The following NCKAP5 variants were observed in gnomAD, a reference collection of about 807,000 sequenced individuals.
NCKAP5 encodes NCK associated protein 5.
NCKAP5 carries 92 observed loss-of-function variants against 167.0 expected under a neutral mutation model. The observed-to-expected ratio is 0.55, with a 90% confidence interval of 0.47 to 0.66. The LOEUF (loss-of-function observed/expected upper bound fraction) is 0.66. NCKAP5 is among the 30% of genes least tolerant of loss of function. The probability of loss-of-function intolerance (pLI) is 0.00; values close to 1 mark genes in which losing one functional copy is unlikely to be tolerated. For missense variants in NCKAP5, 2,378 were observed against 2,315.0 expected, an observed-to-expected ratio of 1.03 and a Z score of -0.56; for synonymous variants, 891 against 877.4, an observed-to-expected ratio of 1.02 and a Z score of -0.27.
chr2:133,185,760 T>A (rs892922911), intron 5 of NCKAP5, among the ~76,000 whole-genome samples: 2 of 152,088 alleles, frequency 1.3e-5, no homozygotes, highest in Non-Finnish European at 2.9e-5. Flanking sequence ...GGTTCTCAGC[T>A]AGAATATTAT....
intron 4 of NCKAP5, among the ~76,000 whole-genome samples, chr2:133,214,072 G>A (rs1410142867): frequency 6.6e-6 from 1 of 152,104 alleles, no homozygotes; most frequent in Non-Finnish European, 1.5e-5. Context: ...AATTTTTCAT[G>A]GCTATAGTAT....
intron 4 of NCKAP5, among the ~76,000 whole-genome samples, chr2:133,291,640 G>T (rs950089284): frequency 5.3e-5 from 8 of 152,178 alleles, no homozygotes; most frequent in Admixed American, 6.5e-5. Flanking sequence ...CTGAGTGTTC[G>T]AGAGAAGGCA....
intron 8 of NCKAP5, among the ~76,000 whole-genome samples, chr2:132,903,715 G>A (rs955254183): frequency 2.0e-5 from 3 of 152,172 alleles, no homozygotes; most frequent in Admixed American, 6.5e-5. Context: ...AGGGTTTTGA[G>A]AGTAAGAAAC....
In NCKAP5 at chr2:133,036,508, G is replaced by T. The variant is rs559544232; in HGVS notation, c.342-42269C>A. Among the ~76,000 whole-genome samples the T allele has an allele frequency of 5.1e-4, 78 of 152,076 alleles. 2 individuals are homozygous for T. The South Asian group carries it at 0.016, about 31-fold the overall frequency. On this transcript the variant is annotated intron_variant, in intron 6 of 19. Coordinates refer to ENST00000409261, the MANE Select transcript of NCKAP5 (RefSeq NM_207363.3). ...TTTTTATCCCTGGGATGCAAGGATGGTTCAACATATGCAAATCAATTATGT... is the reference window on the plus strand; with the variant it reads ...TTTTTATCCCTGGGATGCAAGGATGTTTCAACATATGCAAATCAATTATGT...
chr2:133,002,781 CTTAG>C (rs2077830763), intron 6 of NCKAP5, among the ~76,000 whole-genome samples: 1 of 152,152 alleles, frequency 6.6e-6, no homozygotes, highest in Non-Finnish European at 1.5e-5. Flanking sequence ...CTATGCAAAG[CTTAG>C]TTATTGGGTA....
At chr2:133,074,699 A>T (rs1373288540) in intron 6 of NCKAP5, among the ~76,000 whole-genome samples, 3 of 152,186 alleles carry the variant, frequency 2.0e-5, no homozygotes, top group Admixed American at 6.5e-5. Context: ...ACAATCAATA[A>T]AATCTGAACA....
At chr2:133,636,459 G>T in the NCKAP5 span, among the ~76,000 whole-genome samples, 1 of 152,138 alleles carries the variant, frequency 6.6e-6, no homozygotes, top group South Asian at 2.1e-4. Context: ...AAGAAGAGGC[G>T]GTTGGATTTA....
chr2:133,132,981 C>A (rs1245764316), intron 5 of NCKAP5, among the ~76,000 whole-genome samples: 1 of 152,042 alleles, frequency 6.6e-6, no homozygotes, highest in Non-Finnish European at 1.5e-5. Flanking sequence ...CAGCCTGTAC[C>A]CAAATTTAAA....
At chr2:133,140,342 G>A (rs2082949729) in intron 5 of NCKAP5, among the ~76,000 whole-genome samples, 1 of 152,126 alleles carries the variant, frequency 6.6e-6, no homozygotes, top group African/African-American at 2.4e-5. Context: ...CTTTCAGAAT[G>A]GCTACAGATC....
Position 133,160,827 on chromosome 2 carries a change from T to C in NCKAP5, c.208-30716A>G, listed in dbSNP as rs184065460. Among the ~76,000 whole-genome samples the C allele has an allele frequency of 1.4e-4, 22 of 152,274 alleles. 1 individual carries two copies. In the East Asian group the frequency reaches 3.5e-3, roughly 24 times the overall value. The stretch of plus-strand genomic sequence containing the variant: ...TTTAGAAGAAATCTAGATGATAATC[T>C]ATTTCTAGGGAGAGTCTTCTACTTT... On this transcript the variant is annotated intron_variant, in intron 5 of 19. Transcript: ENST00000409261.
chr2:133,429,416 T>C (rs1256910483), intron 3 of NCKAP5, among the ~76,000 whole-genome samples: 4 of 152,032 alleles, frequency 2.6e-5, no homozygotes, highest in African/African-American at 4.8e-5. Context: ...ATAGTGAATA[T>C]AGTAACCAAT....
At position 133,564,134 on chromosome 2, in the gene NCKAP5, C is replaced by CA. The variant is rs766258899; in HGVS notation, c.-130+4081dup. On this transcript the variant is annotated intron_variant, in intron 1 of 19. Coordinates refer to ENST00000409261, the MANE Select transcript of NCKAP5 (RefSeq NM_207363.3). ...AGGCAACAAGAGTGAAACTCCATTT[C>CA]AAAAAAAAAAAAAGTACGTGCTGTG... 7.0e-3 allele frequency among the ~76,000 whole-genome samples: 989 copies of CA among 142,292 alleles called. 7 individuals carry two copies. Among genetic ancestry groups the CA allele is most frequent in the African/African-American group, 0.016 (607 of 39,032 alleles). 93.3% of individuals were successfully genotyped at this position (142,292 alleles called of 152,430 possible).
At chr2:133,673,574 C>A in the NCKAP5 span, among the ~76,000 whole-genome samples, 6 of 152,332 alleles carry the variant, frequency 3.9e-5, no homozygotes, top group Middle Eastern at 3.4e-3. Context: ...TGAGGCAGCT[C>A]TTTCTGAAAT....
chr2:133,364,416 A>G (rs1000436907), intron 3 of NCKAP5, among the ~76,000 whole-genome samples: 16 of 152,186 alleles, frequency 1.1e-4, no homozygotes, highest in African/African-American at 3.6e-4. Context: ...GAAAATTTGC[A>G]AACATAGTAC....
At chr2:133,610,981 G>A in the NCKAP5 span, among the ~76,000 whole-genome samples, 2 of 152,090 alleles carry the variant, frequency 1.3e-5, no homozygotes, top group Non-Finnish European at 2.9e-5. Flanking sequence ...CAATGACAAG[G>A]GAAGACTAGA....
intron 19 of NCKAP5, among the ~76,000 whole-genome samples, chr2:132,699,312 T>C (rs535244179): frequency 6.6e-6 from 1 of 152,214 alleles, no homozygotes; most frequent in Non-Finnish European, 1.5e-5. Context: ...GTGGAGACTA[T>C]AGCTCTTTTG....
chr2:133,122,518 A>G (rs1249545042), intron 6 of NCKAP5: 1 of 152,208 alleles, frequency 6.6e-6, no homozygotes, highest in African/African-American at 2.4e-5. Flanking sequence ...GTTCAAATAA[A>G]TCCTAAAGTG....
At chr2:133,192,689 C>T (rs933891794) in intron 5 of NCKAP5, among the ~76,000 whole-genome samples, 1 of 151,868 alleles carries the variant, frequency 6.6e-6, no homozygotes, top group African/African-American at 2.4e-5. Flanking sequence ...CAAACTAAAA[C>T]GACAATGAGA....
intron 6 of NCKAP5, among the ~76,000 whole-genome samples, chr2:132,997,429 T>A (rs911477967): frequency 1.3e-5 from 2 of 152,216 alleles, no homozygotes; most frequent in African/African-American, 4.8e-5. Context: ...ATGTTATTAA[T>A]AATAACTCAA....
Sources: allele counts gnomAD v4.1 joint callset (sites outside exome capture counted in the v4.1 genomes callset), GRCh38; gene constraint gnomAD v4.1.1; transcripts MANE v1.5; gene names NCBI Gene and HGNC (gene_info 2026-07-23, HGNC 2026-07-21).